The following CAMK1D variants were observed in gnomAD, a reference collection of about 807,000 sequenced individuals.
The protein encoded by CAMK1D is calcium/calmodulin dependent protein kinase ID, also known as calcium/calmodulin-dependent protein kinase type 1D.
In CAMK1D, 9 loss-of-function variants were observed where a neutral mutation model predicts 47.7. The ratio of observed to expected loss-of-function variants is 0.19; its 90% CI spans 0.11 to 0.33. The LOEUF (loss-of-function observed/expected upper bound fraction) is 0.33, where lower values mean the gene tolerates loss of function less well. Ranked by LOEUF, CAMK1D falls within the 10% of genes least tolerant of loss-of-function variation. The pLI is 1.00. For synonymous variants in CAMK1D, 184 were observed against 184.9 expected, an observed-to-expected ratio of 0.99 and a Z score of 0.04; for missense variants, 291 against 488.7, an observed-to-expected ratio of 0.60 and a Z score of 3.81.
intron 1 of CAMK1D, among the ~76,000 whole-genome samples, chr10:12,432,305 C>T (rs1375903249): frequency 1.7e-4 from 26 of 152,216 alleles, no homozygotes; most frequent in Admixed American, 1.6e-3. Context: ...CCCTTACCTT[C>T]GTTTGCAGGA....
At chr10:12,818,231 C>T (rs1832880221) in intron 8 of CAMK1D, among the ~76,000 whole-genome samples, 1 of 152,166 alleles carries the variant, frequency 6.6e-6, no homozygotes, top group Admixed American at 6.5e-5. Flanking sequence ...GTCCTGACCC[C>T]ATTTCACAGT....
intron 1 of CAMK1D, among the ~76,000 whole-genome samples, chr10:12,363,034 G>A (rs1399790068): frequency 6.7e-6 from 1 of 148,894 alleles, no homozygotes; most frequent in Non-Finnish European, 1.5e-5. Flanking sequence ...TCTTCCTCCC[G>A]GGTACAAGCA....
At chr10:12,562,664 A>G (rs2132293802) in intron 2 of CAMK1D, among the ~76,000 whole-genome samples, 1 of 152,254 alleles carries the variant, frequency 6.6e-6, no homozygotes. Flanking sequence ...GCAGTTTGAC[A>G]CACACCTCCT....
At chr10:12,437,203 T>C (rs1300964688) in intron 1 of CAMK1D, among the ~76,000 whole-genome samples, 2 of 152,176 alleles carry the variant, frequency 1.3e-5, no homozygotes, top group East Asian at 3.9e-4. Context: ...TGTCTGTCTA[T>C]GTAATCTATC....
Position 12,411,701 on chromosome 10 carries a change from C to T in CAMK1D, c.92+61791C>T, listed in dbSNP as rs777511844. Among the ~76,000 whole-genome samples the T allele has an allele frequency of 1.3e-5, 2 of 151,372 alleles. 1 individual carries two copies. The highest frequency in any genetic ancestry group is 6.9e-3 in the Middle Eastern group (2 of 288). On this transcript the variant is annotated intron_variant, in intron 1 of 10. Coordinates refer to ENST00000619168, the MANE Select transcript of CAMK1D (RefSeq NM_153498.4). ...GCAACCTTCACCTTCTGGGTTCAAG[C>T]GATTCTTCTGCCTCAGCCTCCCGAG... is the stretch of plus-strand genomic sequence containing the variant.
At chr10:12,438,908 G>C (rs534370667) in intron 1 of CAMK1D, among the ~76,000 whole-genome samples, 1 of 152,330 alleles carries the variant, frequency 6.6e-6, no homozygotes, top group East Asian at 1.9e-4. Context: ...GGACAGCACC[G>C]TGTTACTTTA....
chr10:12,526,044 C>T (rs1002336411), intron 1 of CAMK1D, among the ~76,000 whole-genome samples: 13 of 152,316 alleles, frequency 8.5e-5, no homozygotes, highest in Admixed American at 3.9e-4. Flanking sequence ...AGGTGTGAGC[C>T]GCCGCACCCG....
At chr10:12,762,164 A>G (rs1246043952) in intron 4 of CAMK1D, among the ~76,000 whole-genome samples, 2 of 152,210 alleles carry the variant, frequency 1.3e-5, no homozygotes, top group Non-Finnish European at 2.9e-5. Context: ...CCAAAGCTGC[A>G]ATGTGACCTC....
intron 1 of CAMK1D, among the ~76,000 whole-genome samples, chr10:12,471,386 G>A (rs114495191): frequency 0.016 from 2,487 of 152,288 alleles, 76 homozygotes; most frequent in African/African-American, 0.056. Flanking sequence ...ACAGCACCTC[G>A]TTCAAGGTGG....
At chr10:12,617,800 G>A in intron 2 of CAMK1D, among the ~76,000 whole-genome samples, 1 of 152,194 alleles carries the variant, frequency 6.6e-6, no homozygotes, top group East Asian at 1.9e-4. Context: ...GGGAGAAAAA[G>A]CATGTCACTG....
At chr10:12,442,520 G>A (rs771118793) in intron 1 of CAMK1D, among the ~76,000 whole-genome samples, 30 of 152,080 alleles carry the variant, frequency 2.0e-4, no homozygotes, top group Non-Finnish European at 2.9e-4. Context: ...TCTCTTAGAC[G>A]TTATATGGAA....
chr10:12,616,422 A>C (rs1287011623), intron 2 of CAMK1D, among the ~76,000 whole-genome samples: 2 of 152,158 alleles, frequency 1.3e-5, no homozygotes, highest in South Asian at 2.1e-4. Context: ...CCTCGAATCA[A>C]CCTCTTAAGT....
At chr10:12,630,067 G>GT (rs1246806684) in intron 2 of CAMK1D, among the ~76,000 whole-genome samples, 1 of 152,188 alleles carries the variant, frequency 6.6e-6, no homozygotes, top group Non-Finnish European at 1.5e-5. Context: ...TCTTGGCTTG[G>GT]TTTTGGGTGT....
intron 1 of CAMK1D, among the ~76,000 whole-genome samples, chr10:12,514,197 C>T (rs1400338599): frequency 6.6e-6 from 1 of 152,158 alleles, no homozygotes; most frequent in Non-Finnish European, 1.5e-5. Flanking sequence ...TGTTTTATCT[C>T]GCTGCTTCCA....
Position 12,492,074 on chromosome 10 carries a change from C to T in CAMK1D, c.93-61151C>T, listed in dbSNP as rs144813738. On this transcript the variant is annotated intron_variant, in intron 1 of 10. Transcript: ENST00000619168. Reference sequence around the variant, plus strand: ...TGCTGAGATCACAGGTGTGAGCCATCGTGCCTGGCCTGTTTAATGCATTTC... The same window carrying T: ...TGCTGAGATCACAGGTGTGAGCCATTGTGCCTGGCCTGTTTAATGCATTTC... 9.0e-4 allele frequency among the ~76,000 whole-genome samples: 137 copies of T among 152,294 alleles called. 3 individuals are homozygous for T. The East Asian group carries it at 0.024, about 27-fold the overall frequency.
intron 5 of CAMK1D, among the ~76,000 whole-genome samples, chr10:12,781,666 T>A (rs78903846): frequency 8.0e-6 from 1 of 124,374 alleles, no homozygotes; most frequent in Non-Finnish European, 1.8e-5. Flanking sequence ...TTTTTTTTTT[T>A]TTTGAAACGG....
chr10:12,665,774 G>A (rs1214191760), intron 2 of CAMK1D, among the ~76,000 whole-genome samples: 1 of 152,230 alleles, frequency 6.6e-6, no homozygotes, highest in Non-Finnish European at 1.5e-5. Context: ...TTAGAACTTG[G>A]TTATTCAGAG....
chr10:12,376,114 C>T (rs780019903), intron 1 of CAMK1D, among the ~76,000 whole-genome samples: 5 of 119,252 alleles, frequency 4.2e-5, no homozygotes, highest in Non-Finnish European at 6.4e-5. Flanking sequence ...AGTCAGCTGA[C>T]ATCATACCAC....
intron 2 of CAMK1D, among the ~76,000 whole-genome samples, chr10:12,655,823 C>A (rs565876461): frequency 6.6e-6 from 1 of 152,236 alleles, no homozygotes; most frequent in African/African-American, 2.4e-5. Flanking sequence ...TAAACAACTT[C>A]ATGTCTCAAG....
Sources: gnomAD v4.1 joint callset for allele counts (sites outside exome capture counted in the v4.1 genomes callset) on GRCh38, gnomAD v4.1.1 for gene constraint, MANE v1.5 for transcripts, NCBI Gene and HGNC (gene_info 2026-07-23, HGNC 2026-07-21) for gene names.